TASOR2: variants seen among roughly 807,000 people sequenced by gnomAD.
TASOR2 encodes transcription activation suppressor family member 2, also known as protein TASOR 2.
In TASOR2, 84 loss-of-function variants were observed where a neutral mutation model predicts 199.5. That is an observed-to-expected ratio of 0.42 (90% CI 0.35 to 0.50). TASOR2 has a LOEUF of 0.50. TASOR2 is among the 20% of genes least tolerant of loss of function. The pLI is 0.02. For synonymous variants in TASOR2, 1,103 were observed against 1,046.6 expected (o/e 1.05, Z -1.04); for missense variants, 2,796 against 2,835.9 (o/e 0.99, Z 0.32).
chr10:5,715,630 G>T (rs992739301), intron 2 of TASOR2, among the ~76,000 whole-genome samples: 4 of 126,072 alleles, frequency 3.2e-5, no homozygotes, highest in East Asian at 2.3e-4. Flanking sequence ...AATTGCATTG[G>T]TAGGCAGTTT....
At chr10:5,725,171 G>A (rs1268579568) in intron 8 of TASOR2, among the ~76,000 whole-genome samples, 1 of 151,962 alleles carries the variant, frequency 6.6e-6, no homozygotes, top group Non-Finnish European at 1.5e-5. Flanking sequence ...AGACCAAGGC[G>A]GGCGGATCAC....
chr10:5,743,590 G>A (rs1219645769), intron 14 of TASOR2, among the ~76,000 whole-genome samples: 11 of 152,118 alleles, frequency 7.2e-5, no homozygotes, highest in African/African-American at 2.6e-4. Flanking sequence ...TTCCCCTAAA[G>A]ATGGGGTTCA....
At chr10:5,703,043 T>G (rs181129308) in intron 1 of TASOR2, among the ~76,000 whole-genome samples, 26 of 152,348 alleles carry the variant, frequency 1.7e-4, no homozygotes, top group African/African-American at 4.1e-4. Context: ...ATGTACTGGC[T>G]GGTAGTTTTA....
chr10:5,711,529 A>C (rs771814696), intron 1 of TASOR2, among the ~76,000 whole-genome samples: 3 of 152,166 alleles, frequency 2.0e-5, no homozygotes, highest in Non-Finnish European at 2.9e-5. Context: ...AAAGAGTACA[A>C]ATAGGAGAGT....
Position 5,730,985 on chromosome 10 carries a change from T to A in TASOR2, c.986T>A (p.Met329Lys). The change falls in exon 11 of 21, where the codon ATG (methionine) becomes AAG (lysine). Residue 329 changes from methionine (M) to lysine (K), a missense_variant. Met to Lys is a moderately conservative substitution (Grantham distance 95). Around this residue, in one of 3 missense-constraint regions of TASOR2, gnomAD observed 847 missense variants for 887.4 expected, o/e 0.95. Coordinates refer to ENST00000328090, the Ensembl canonical transcript of TASOR2. The surrounding 1 kb of genome is among the most constrained non-coding windows in gnomAD (Gnocchi z 4.1). ...GAAACAAAAAAGGATTCTGAAGAAA[T>A]GTTGAAAGCAAAGAAGAGAGTTTTT... is the stretch of plus-strand genomic sequence containing the variant. The A allele has an allele frequency of 1.2e-6, 2 of 1,614,004 alleles. No homozygotes were observed. Among genetic ancestry groups the A allele is most frequent in the Admixed American group, 1.7e-5 (1 of 59,978 alleles).
chr10:5,742,630 A>G lies in TASOR2; in HGVS notation c.2757+104A>G. On this transcript the variant is annotated intron_variant, in intron 14 of 20. Transcript: ENST00000328090. This position sits in a 1 kb window ranked among gnomAD's most constrained non-coding sequence, Gnocchi z 4.2. ...ACAAGGCATTTTTAAATTTTAGGACAGTGAATTCTCAAGGTATGTAAAGAA... is the reference window on the plus strand; with the variant it reads ...ACAAGGCATTTTTAAATTTTAGGACGGTGAATTCTCAAGGTATGTAAAGAA... 1 of 1,090,220 alleles carries G rather than the reference A, an allele frequency of 9.2e-7. No individual in the cohort carries two copies. Among genetic ancestry groups the G allele is most frequent in the Non-Finnish European group, 1.3e-6 (1 of 762,282 alleles). 67.5% of individuals were successfully genotyped at this position (1,090,220 alleles called of 1,614,324 possible). A position where few individuals can be genotyped will look rare whatever the true frequency, so the allele number is the denominator to read the frequency against.
intron 1 of TASOR2, among the ~76,000 whole-genome samples, chr10:5,708,095 G>A (rs1246039293): frequency 6.6e-6 from 1 of 152,102 alleles, no homozygotes; most frequent in Non-Finnish European, 1.5e-5. Context: ...AACTATACAT[G>A]CTGTTTTTGT....
intron 1 of TASOR2, among the ~76,000 whole-genome samples, chr10:5,696,116 C>G (rs915095249): frequency 6.6e-6 from 1 of 152,168 alleles, no homozygotes; most frequent in Admixed American, 6.5e-5. Flanking sequence ...AAAGTCAGGT[C>G]AACATGCTGA....
At position 5,737,638 on chromosome 10, in the gene TASOR2, T is replaced by C. The variant is rs549003679; in HGVS notation, c.1448-1980T>C. ...GACTGTAACTAATCTCTCACTTCTT[T>C]GGGATATTTGAGAACATTCTATAAT... On this transcript the variant is annotated intron_variant, in intron 12 of 20. Transcript: ENST00000328090. This position sits in a 1 kb window ranked among gnomAD's most constrained non-coding sequence, Gnocchi z 4.9. 5.3e-5 allele frequency among the ~76,000 whole-genome samples: 8 copies of C among 152,308 alleles called. No individual in the cohort carries two copies. The highest frequency in any genetic ancestry group is 4.6e-4 in the Admixed American group (7 of 15,304).
chr10:5,747,973 G>T, exon 15 of TASOR2: 1 of 1,613,406 alleles, frequency 6.2e-7, no homozygotes, highest in Middle Eastern at 1.6e-4. Context: ...CTCAGGAAAG[G>T]TGCAGTGCTA....
rs755294405 is a variant in TASOR2 at position 5,720,593 on chromosome 10, A to G, written c.-50A>G. The stretch of plus-strand genomic sequence containing the variant: ...AACACCGTTATTGAACGACCCAGAC[A>G]GATCTGTCCTTATGTAATTGTAGCT... On this transcript the variant is annotated 5_prime_UTR_variant, in exon 4 of 21. Transcript: ENST00000328090. This position sits in a 1 kb window ranked among gnomAD's most constrained non-coding sequence, Gnocchi z 5.3. The G allele has an allele frequency of 1.9e-6, 3 of 1,613,042 alleles. No individual in the cohort carries two copies. The highest frequency in any genetic ancestry group is 2.5e-6 in the Non-Finnish European group (3 of 1,179,774).
intron 2 of TASOR2, among the ~76,000 whole-genome samples, chr10:5,715,528 G>A (rs1832513075): frequency 6.6e-6 from 1 of 152,044 alleles, no homozygotes; most frequent in South Asian, 2.1e-4. Context: ...TGTTTTTAAG[G>A]CATATTGTAG....
chr10:5,762,996 A>C, intron 20 of TASOR2, 33 bp from the exon 22 acceptor site: 1 of 1,604,654 alleles, frequency 6.2e-7, no homozygotes, highest in Non-Finnish European at 8.5e-7. Context: ...GTATTATTTT[A>C]AGAAGTTCTT....
intron 1 of TASOR2, among the ~76,000 whole-genome samples, chr10:5,688,763 T>C (rs186771652): frequency 6.6e-6 from 1 of 152,084 alleles, no homozygotes; most frequent in Non-Finnish European, 1.5e-5. Flanking sequence ...TGCTAGCACT[T>C]TGGGAAGTTG....
At position 5,726,866 on chromosome 10, in the gene TASOR2, T is replaced by A; in HGVS notation, c.352-19T>A. On this transcript the variant is annotated intron_variant, in intron 8 of 20. Transcript: ENST00000328090. ...ATTGCAGAATATTCCTTCAGTTGAA[T>A]TTTTCCTTTTTATTTAAGGCAATCA... 1 of 1,605,930 alleles carries A rather than the reference T, an allele frequency of 6.2e-7. No homozygotes were observed. Among genetic ancestry groups the A allele is most frequent in the Non-Finnish European group, 8.5e-7 (1 of 1,172,686 alleles).
intron 1 of TASOR2, among the ~76,000 whole-genome samples, chr10:5,702,913 C>T (rs1325612981): frequency 6.6e-6 from 1 of 152,026 alleles, no homozygotes; most frequent in Non-Finnish European, 1.5e-5. Flanking sequence ...CAGGTTGGTG[C>T]AGAATAACAG....
At position 5,747,944 on chromosome 10, in the gene TASOR2, A is replaced by G. The variant is rs61729834; in HGVS notation, c.4523A>G (p.His1508Arg). ...ACTGAGGAAATTGTCTCAAGTGAGC[A>G]TGATGAGGGTTTATCTTTCTCAGGA... The change falls in exon 15 of 21, where the codon CAT becomes CGT. Residue 1508 changes from histidine (H) to arginine (R), a missense_variant. His to Arg is a conservative substitution (Grantham distance 29). This residue lies in a region of TASOR2 where 1,941 missense variants were observed against 1,924.9 expected (regional missense o/e 1.01). Coordinates refer to ENST00000328090, the Ensembl canonical transcript of TASOR2. 2.1e-3 allele frequency: 3,469 copies of G among 1,613,856 alleles called. 63 individuals carry two copies. In the African/African-American group the frequency reaches 0.042, roughly 20 times the overall value.
At chr10:5,711,271 C>T (rs1767949180) in intron 1 of TASOR2, among the ~76,000 whole-genome samples, 1 of 152,056 alleles carries the variant, frequency 6.6e-6, no homozygotes, top group African/African-American at 2.4e-5. Flanking sequence ...GCTTTCATTT[C>T]TGAGATAGTC....
chr10:5,730,459 A>G lies in TASOR2; in HGVS notation c.488-28A>G, dbSNP rs1588771357. ...TTTGTTTTTAAAAAATAAACTTCAG[A>G]TGTTTAATACGTGTGTATATATTCT... is the stretch of plus-strand genomic sequence containing the variant. On this transcript the variant is annotated intron_variant, in intron 10 of 20. Coordinates refer to ENST00000328090, the Ensembl canonical transcript of TASOR2. This position sits in a 1 kb window ranked among gnomAD's most constrained non-coding sequence, Gnocchi z 4.1. The G allele has an allele frequency of 6.9e-7, 1 of 1,444,612 alleles. No homozygotes were observed. Among genetic ancestry groups the G allele is most frequent in the South Asian group, 1.5e-5 (1 of 66,244 alleles). The allele number at this position is 1,444,612 out of a possible 1,614,324, so 89.5% of individuals were successfully genotyped here.
Sources: gnomAD v4.1 joint callset for allele counts (sites outside exome capture counted in the v4.1 genomes callset) on GRCh38, gnomAD v4.1.1 for gene constraint, gnomAD v4.1.1 regional missense constraint, Gnocchi (gnomAD v3.1) non-coding constraint, MANE v1.5 for transcripts, NCBI Gene and HGNC (gene_info 2026-07-23, HGNC 2026-07-21) for gene names.